Variants in TC2N observed in about 807,000 individuals in gnomAD.
TC2N encodes the protein tandem C2 domains, nuclear, also known as tandem C2 domains nuclear protein.
Under a neutral mutation model 61.9 loss-of-function variants are expected in TC2N, and 51 were observed. The ratio of observed to expected loss-of-function variants is 0.82; its 90% CI spans 0.66 to 1.04. The LOEUF is 1.04. TC2N is among the 50% of genes least tolerant of loss of function. The pLI is 0.00. For synonymous variants in TC2N, 204 were observed against 192.6 expected, an observed-to-expected ratio of 1.06 and a Z score of -0.49; for missense variants, 556 against 566.7, an observed-to-expected ratio of 0.98 and a Z score of 0.19.
chr14:91,819,661 A>T (rs1275897708), intron 1 of TC2N, among the ~76,000 whole-genome samples: 1 of 152,180 alleles, frequency 6.6e-6, no homozygotes, highest in Admixed American at 6.5e-5. Context: ...TATTATTGGG[A>T]TTTCTTTACA....
chr14:91,818,480 G>A (rs1423644044), intron 1 of TC2N, among the ~76,000 whole-genome samples: 1 of 151,702 alleles, frequency 6.6e-6, no homozygotes, highest in East Asian at 1.9e-4. Flanking sequence ...CAGCATTCAA[G>A]GTAAAACTCA....
At chr14:91,825,162 T>C (rs1277835461) in intron 1 of TC2N, among the ~76,000 whole-genome samples, 2 of 149,208 alleles carry the variant, frequency 1.3e-5, no homozygotes, top group African/African-American at 4.9e-5. Context: ...GCCTCCTGAG[T>C]AGCTGGGATT....
At chr14:91,814,929 C>T (rs1241573010) in intron 1 of TC2N, among the ~76,000 whole-genome samples, 1 of 151,144 alleles carries the variant, frequency 6.6e-6, no homozygotes, top group Non-Finnish European at 1.5e-5. Context: ...ATAGGCACTT[C>T]AAAACATCAC....
chr14:91,786,053 G>A (rs1885349796), intron 10 of TC2N, among the ~76,000 whole-genome samples: 1 of 151,970 alleles, frequency 6.6e-6, no homozygotes, highest in South Asian at 2.1e-4. Context: ...ACTAATTGGA[G>A]GTGACAGAGC....
In TC2N at chr14:91,850,862, C is replaced by T. The variant is rs188388944; in HGVS notation, c.-57+16400G>A. On this transcript the variant is annotated intron_variant, in intron 1 of 11. Coordinates refer to ENST00000435962, the MANE Select transcript of TC2N (RefSeq NM_001128596.3). ...AGGAGAATTGCTTGAATTCAGGAGGCGGAGGTTGCAGTGAGCCGATATTGC... is the reference window on the plus strand; with the variant it reads ...AGGAGAATTGCTTGAATTCAGGAGGTGGAGGTTGCAGTGAGCCGATATTGC... Among the ~76,000 whole-genome samples, 371 of 152,110 alleles carry T rather than the reference C, an allele frequency of 2.4e-3. 1 individual carries two copies. Among genetic ancestry groups the T allele is most frequent in the Non-Finnish European group, 4.1e-3 (281 of 68,000 alleles).
intron 1 of TC2N, among the ~76,000 whole-genome samples, chr14:91,864,952 T>C (rs1350117938): frequency 1.3e-5 from 2 of 152,234 alleles, no homozygotes; most frequent in Admixed American, 6.5e-5. Context: ...ACCTAATTTT[T>C]GTATTTTTAG....
At position 91,782,400 on chromosome 14, in the gene TC2N, A is replaced by G. The variant is rs188135015; in HGVS notation, c.*700T>C. The G allele has an allele frequency of 3.3e-5, 5 of 152,136 alleles. No individual in the cohort carries two copies. Among genetic ancestry groups the G allele is most frequent in the Middle Eastern group, 3.4e-3 (1 of 294 alleles). The allele number at this position is 152,136 out of a possible 1,614,324, so 9.4% of individuals were successfully genotyped here. ...AATAGTAAAATATTTGAGGGAAGAA[A>G]ACAGCAAAGTATGTATATTCTGGGT... On this transcript the variant is annotated 3_prime_UTR_variant, in exon 12 of 12. Coordinates refer to ENST00000435962, the MANE Select transcript of TC2N (RefSeq NM_001128596.3).
At chr14:91,788,623 T>A (rs1885479334) in intron 9 of TC2N, among the ~76,000 whole-genome samples, 2 of 152,152 alleles carry the variant, frequency 1.3e-5, no homozygotes, top group East Asian at 3.8e-4. Flanking sequence ...CATAGCTCAT[T>A]GGGAAAAACA....
At chr14:91,793,041 C>A (rs1380970533) in intron 8 of TC2N, among the ~76,000 whole-genome samples, 1 of 152,136 alleles carries the variant, frequency 6.6e-6, no homozygotes, top group Non-Finnish European at 1.5e-5. Context: ...CTATCTCAGG[C>A]TTCAATTTCT....
At chr14:91,822,952 T>C (rs1414425157) in intron 1 of TC2N, among the ~76,000 whole-genome samples, 3 of 151,718 alleles carry the variant, frequency 2.0e-5, no homozygotes, top group Non-Finnish European at 4.4e-5. Flanking sequence ...CCTGACCTCG[T>C]GATCCGCCTG....
At chr14:91,833,303 C>T (rs1442993944) in intron 1 of TC2N, among the ~76,000 whole-genome samples, 1 of 151,938 alleles carries the variant, frequency 6.6e-6, no homozygotes, top group Non-Finnish European at 1.5e-5. Context: ...ATTCAGAAAA[C>T]TATATGAATA....
intron 1 of TC2N, among the ~76,000 whole-genome samples, chr14:91,828,251 T>A (rs1159384044): frequency 6.6e-6 from 1 of 152,108 alleles, no homozygotes; most frequent in Admixed American, 6.6e-5. Context: ...ATAAAATAAA[T>A]CCACATGGAC....
intron 3 of TC2N, chr14:91,811,993 CA>C (rs1886789939): frequency 5.9e-6 from 1 of 168,874 alleles, no homozygotes; most frequent in South Asian, 1.7e-4. Context: ...CAGATGCAAT[CA>C]TTCTTTTTTT....
At chr14:91,784,894 C>A (rs1372613812) in intron 11 of TC2N, among the ~76,000 whole-genome samples, 1 of 152,000 alleles carries the variant, frequency 6.6e-6, no homozygotes, top group East Asian at 1.9e-4. Context: ...GTCAGTAGTA[C>A]TGAAAAATTG....
At chr14:91,799,247 G>T (rs1886092869) in intron 5 of TC2N, among the ~76,000 whole-genome samples, 183 bp from the exon 6 acceptor site, 2 of 151,732 alleles carry the variant, frequency 1.3e-5, no homozygotes, top group Admixed American at 1.3e-4. Context: ...CATTTGTTAG[G>T]AATATCTTAA....
intron 8 of TC2N, 91 bp downstream of exon 8, chr14:91,797,694 T>G (rs552705378): frequency 1.2e-6 from 1 of 859,572 alleles, no homozygotes; most frequent in Admixed American, 2.7e-5. Flanking sequence ...GATAAAAGAC[T>G]TTCTTATTCT....
At chr14:91,854,637 T>C (rs1423607740) in intron 1 of TC2N, among the ~76,000 whole-genome samples, 1 of 152,166 alleles carries the variant, frequency 6.6e-6, no homozygotes, top group Non-Finnish European at 1.5e-5. Flanking sequence ...TTTGGAGTGT[T>C]CCTCTAGGGA....
At chr14:91,862,657 TCTC>T (rs1172665529) in intron 1 of TC2N, among the ~76,000 whole-genome samples, 1 of 152,186 alleles carries the variant, frequency 6.6e-6, no homozygotes, top group Non-Finnish European at 1.5e-5. Flanking sequence ...AGCCACTTCC[TCTC>T]CTCCCTGCGG....
At chr14:91,821,147 C>T (rs374379996) in intron 1 of TC2N, among the ~76,000 whole-genome samples, 37 of 151,000 alleles carry the variant, frequency 2.5e-4, no homozygotes, top group African/African-American at 7.8e-4. Flanking sequence ...CATATGGGAA[C>T]GTAAAGGGTG....
Sources: gnomAD v4.1 joint callset for allele counts (sites outside exome capture counted in the v4.1 genomes callset) on GRCh38, gnomAD v4.1.1 for gene constraint, MANE v1.5 for transcripts, NCBI Gene and HGNC (gene_info 2026-07-23, HGNC 2026-07-21) for gene names.